The following SLIT3 variants were observed in gnomAD, a reference collection of about 807,000 sequenced individuals.
The protein encoded by SLIT3 is slit guidance ligand 3.
A neutral mutation model predicts 184.0 loss-of-function variants in SLIT3; 68 were observed. The observed-to-expected ratio is 0.37, with a 90% CI of 0.30 to 0.45. The LOEUF is 0.45. Among genes scored for constraint, SLIT3 ranks in the 20% least tolerant of loss-of-function variants. The pLI is 1.00. For synonymous variants in SLIT3, 831 were observed against 828.6 expected (o/e 1.00, Z -0.05); for missense variants, 1,707 against 2,026.0 (o/e 0.84, Z 3.02).
At chr5:169,089,490 A>G (rs1193599533) in intron 4 of SLIT3, among the ~76,000 whole-genome samples, 1 of 152,166 alleles carries the variant, frequency 6.6e-6, no homozygotes, top group African/African-American at 2.4e-5. Context: ...ATTAGCCTAG[A>G]ATACATTCCC....
intron 11 of SLIT3, among the ~76,000 whole-genome samples, chr5:168,788,246 C>A (rs935736672): frequency 1.9e-4 from 29 of 152,162 alleles, no homozygotes; most frequent in Admixed American, 1.8e-3. Flanking sequence ...AGACACTAAT[C>A]TCACACATGG....
At chr5:169,259,411 C>A (rs1055776668) in intron 1 of SLIT3, among the ~76,000 whole-genome samples, 2 of 152,200 alleles carry the variant, frequency 1.3e-5, no homozygotes, top group African/African-American at 2.4e-5. Flanking sequence ...CACCCACGGG[C>A]TACAACAGGT....
chr5:168,911,402 A>G (rs1208307971), intron 4 of SLIT3, among the ~76,000 whole-genome samples: 1 of 152,176 alleles, frequency 6.6e-6, no homozygotes, highest in Non-Finnish European at 1.5e-5. Flanking sequence ...ATTTAAAGGT[A>G]CTTTCTATGA....
chr5:168,755,723 G>T (rs961148831), intron 16 of SLIT3, among the ~76,000 whole-genome samples: 2 of 152,136 alleles, frequency 1.3e-5, no homozygotes, highest in South Asian at 2.1e-4. Context: ...GGCATGAGCC[G>T]CCATGCCTGG....
intron 5 of SLIT3, among the ~76,000 whole-genome samples, chr5:168,882,025 G>A (rs1759974256): frequency 6.6e-6 from 1 of 152,086 alleles, no homozygotes; most frequent in African/African-American, 2.4e-5. Flanking sequence ...CTGCCCTCTT[G>A]CGTGCTTTGC....
At chr5:169,097,633 C>T (rs1026652669) in intron 4 of SLIT3, among the ~76,000 whole-genome samples, 1 of 152,196 alleles carries the variant, frequency 6.6e-6, no homozygotes, top group Non-Finnish European at 1.5e-5. Flanking sequence ...AGTAGTTACA[C>T]GATGATGTCA....
At chr5:169,141,521 C>A (rs1190589046) in intron 4 of SLIT3, among the ~76,000 whole-genome samples, 1 of 151,430 alleles carries the variant, frequency 6.6e-6, no homozygotes, top group East Asian at 1.9e-4. Context: ...GGGCAGATCA[C>A]GAGTTCAGGA....
intron 4 of SLIT3, among the ~76,000 whole-genome samples, chr5:169,158,531 G>A (rs1384243684): frequency 6.6e-6 from 1 of 152,028 alleles, no homozygotes; most frequent in African/African-American, 2.4e-5. Flanking sequence ...GAAAAAGGAA[G>A]AACAATGGAA....
Position 168,775,076 on chromosome 5 carries a change from C to T in SLIT3, c.1152-698G>A, listed in dbSNP as rs533137100. Among the ~76,000 whole-genome samples the T allele has an allele frequency of 7.4e-5, 11 of 148,030 alleles. 1 individual carries two copies. The highest frequency in any genetic ancestry group is 2.7e-4 in the Admixed American group (4 of 14,620). On this transcript the variant is annotated intron_variant, in intron 12 of 35. Coordinates refer to ENST00000519560, the MANE Select transcript of SLIT3 (RefSeq NM_003062.4). Reference sequence around the variant, plus strand: ...TTTTGAGATGGAGTCTTGCTCTTGTCGCCCAGGCTGGAGTTCAATGGCGTG... The same window carrying T: ...TTTTGAGATGGAGTCTTGCTCTTGTTGCCCAGGCTGGAGTTCAATGGCGTG...
chr5:168,668,967 C>T (rs760120429), intron 35 of SLIT3, among the ~76,000 whole-genome samples: 6 of 152,252 alleles, frequency 3.9e-5, no homozygotes, highest in Non-Finnish European at 8.8e-5. Flanking sequence ...CAGGGTTTCA[C>T]CATGTTGGCC....
chr5:168,888,201 C>A (rs1381860663), intron 4 of SLIT3, among the ~76,000 whole-genome samples: 1 of 152,188 alleles, frequency 6.6e-6, no homozygotes, highest in Non-Finnish European at 1.5e-5. Context: ...GAAGTCTTGG[C>A]CTTAGCCCAA....
At chr5:169,294,191 G>A (rs1418193097) in intron 1 of SLIT3, among the ~76,000 whole-genome samples, 2 of 150,084 alleles carry the variant, frequency 1.3e-5, no homozygotes, top group Non-Finnish European at 3.0e-5. Flanking sequence ...AGTAAACACA[G>A]TAATAGAGGC....
intron 1 of SLIT3, among the ~76,000 whole-genome samples, chr5:169,266,269 T>C (rs1766393129): frequency 2.6e-5 from 4 of 152,166 alleles, no homozygotes; most frequent in Admixed American, 2.6e-4. Flanking sequence ...TTTGGAAATG[T>C]GGCAAGAAAT....
intron 6 of SLIT3, among the ~76,000 whole-genome samples, chr5:168,833,579 G>T (rs983842685): frequency 1.3e-5 from 2 of 152,368 alleles, no homozygotes; most frequent in Non-Finnish European, 2.9e-5. Flanking sequence ...GAAAGGGAGG[G>T]TGTTGTCCTC....
intron 4 of SLIT3, among the ~76,000 whole-genome samples, chr5:168,965,053 A>G (rs1161603952): frequency 1.3e-5 from 2 of 152,158 alleles, no homozygotes; most frequent in African/African-American, 4.8e-5. Context: ...GCCTCCTTAA[A>G]TGGTGCACCC....
chr5:168,750,757 T>G (rs75364967), intron 18 of SLIT3, among the ~76,000 whole-genome samples: 1,582 of 152,154 alleles, frequency 0.01, 36 homozygotes, highest in African/African-American at 0.036. Flanking sequence ...GATTCATTCC[T>G]TTACTCAACA....
chr5:168,883,103 T>C (rs1415743105), intron 5 of SLIT3, among the ~76,000 whole-genome samples, 162 bp downstream of exon 5: 1 of 152,170 alleles, frequency 6.6e-6, no homozygotes, highest in African/African-American at 2.4e-5. Context: ...GTGACAGTAT[T>C]GTGGCATCCA....
In SLIT3 at chr5:169,083,774, T is replaced by A. The variant is rs529536281; in HGVS notation, c.413+109705A>T. Among the ~76,000 whole-genome samples the A allele has an allele frequency of 5.9e-5, 9 of 152,266 alleles. No individual in the cohort carries two copies. The South Asian group carries it at 1.5e-3, about 25-fold the overall frequency. ...GCCAGCACCCTCTAGGATTGCTCCT[T>A]CCTCTTCCCAATTCTCAGCACCCCA... On this transcript the variant is annotated intron_variant, in intron 4 of 35. Coordinates refer to ENST00000519560, the MANE Select transcript of SLIT3 (RefSeq NM_003062.4).
chr5:168,898,955 C>T (rs565329025), intron 4 of SLIT3, among the ~76,000 whole-genome samples: 12 of 152,176 alleles, frequency 7.9e-5, no homozygotes, highest in Non-Finnish European at 1.8e-4. Context: ...GGTTAAAAGA[C>T]ATTATGTGAG....
Sources: gnomAD v4.1 joint callset for allele counts (sites outside exome capture counted in the v4.1 genomes callset) on GRCh38, gnomAD v4.1.1 for gene constraint, MANE v1.5 for transcripts, NCBI Gene and HGNC (gene_info 2026-07-23, HGNC 2026-07-21) for gene names.